AFF1: variants seen among roughly 807,000 people sequenced by gnomAD.
AFF1 encodes the protein ALF transcription elongation factor 1.
AFF1 carries 48 observed loss-of-function variants against 121.7 expected under a neutral mutation model. The observed-to-expected ratio is 0.39, with a 90% CI of 0.31 to 0.50. AFF1 has a LOEUF of 0.50. Ranked by LOEUF, AFF1 falls within the 20% of genes least tolerant of loss-of-function variation. The pLI, the probability that AFF1 is intolerant of heterozygous loss-of-function variation, is 0.76. For missense variants in AFF1, 1,523 were observed against 1,511.7 expected (o/e 1.01, Z -0.12); for synonymous variants, 613 against 563.0 (o/e 1.09, Z -1.26).
In AFF1 at chr4:87,139,170, A is replaced by G. The variant is rs1729528103; in HGVS notation, c.*3469A>G. The G allele has an allele frequency of 4.3e-6, 1 of 231,042 alleles. No individual in the cohort carries two copies. The highest frequency in any genetic ancestry group is 2.2e-5 in the African/African-American group (1 of 45,242). The allele number at this position is 231,042 out of a possible 1,614,324, so 14.3% of individuals were successfully genotyped here. On this transcript the variant is annotated 3_prime_UTR_variant, in exon 21 of 21. Transcript: ENST00000395146. The stretch of plus-strand genomic sequence containing the variant: ...AAATAGAGAAAAAGAGGTTGATTGA[A>G]TTGTGCCTTTGAGTGAACCCAGTTT...
chr4:87,097,166 C>T (rs766191630), intron 8 of AFF1, among the ~76,000 whole-genome samples: 148 of 152,312 alleles, frequency 9.7e-4, no homozygotes, highest in Non-Finnish European at 1.7e-3. Context: ...GTCTTTGGGG[C>T]AGCCAGGAAG....
At chr4:87,068,580 G>A (rs1721625780) in intron 4 of AFF1, among the ~76,000 whole-genome samples, 1 of 152,234 alleles carries the variant, frequency 6.6e-6, no homozygotes, top group African/African-American at 2.4e-5. Flanking sequence ...TCATAAAGCT[G>A]TATGTTTTTG....
At chr4:86,946,029 T>A (rs1720834652) in intron 1 of AFF1, among the ~76,000 whole-genome samples, 1 of 152,182 alleles carries the variant, frequency 6.6e-6, no homozygotes, top group African/African-American at 2.4e-5. Context: ...CCCATGTGGT[T>A]CTTTTTGATG....
At chr4:87,135,508 T>C in intron 20 of AFF1, 72 bp from the exon 21 acceptor site, 8 of 1,429,900 alleles carry the variant, frequency 5.6e-6, no homozygotes, top group Non-Finnish European at 7.4e-6. Context: ...ACCTTGAATT[T>C]TTGTTTCCAT....
At chr4:86,940,026 C>T (rs138005123) in intron 1 of AFF1, among the ~76,000 whole-genome samples, 59 of 152,286 alleles carry the variant, frequency 3.9e-4, no homozygotes, top group African/African-American at 1.3e-3. Flanking sequence ...TTTTCAAGAA[C>T]TATGAAGGCT....
chr4:87,001,207 C>CT (rs34072831), intron 2 of AFF1, among the ~76,000 whole-genome samples: 5,834 of 59,936 alleles, frequency 0.097, 1,965 homozygotes, highest in Non-Finnish European at 0.13. Context: ...CCTTTTTCTA[C>CT]TTTTTTTTTT....
intron 12 of AFF1, among the ~76,000 whole-genome samples, chr4:87,118,541 G>T (rs191753427): frequency 1.3e-5 from 2 of 152,282 alleles, no homozygotes; most frequent in Non-Finnish European, 2.9e-5. Context: ...TAGAGACAGG[G>T]TCTCGCTCTG....
Position 87,046,272 on chromosome 4 carries a change from G to A in AFF1, c.145G>A (p.Gly49Arg). ...EAFPEKIPLFGEPYKTAKGDE... is the reference protein window; with the variant it reads ...EAFPEKIPLFREPYKTAKGDE... ...ATTTCCTGAAAAGATTCCCCTTTTT[G>A]GAGAGCCCTACAAGGTATTTACTGA... The change falls in exon 3 of 21, where the codon GGA (glycine) becomes AGA (arginine). Residue 49 changes from glycine to arginine, a missense_variant. By Grantham distance (125) the Gly-to-Arg change is moderately radical. Coordinates refer to ENST00000395146, the MANE Select transcript of AFF1 (RefSeq NM_001166693.3). 1 of 1,613,398 alleles carries A rather than the reference G, an allele frequency of 6.2e-7. No homozygotes were observed. The highest frequency in any genetic ancestry group is 8.5e-7 in the Non-Finnish European group (1 of 1,179,840).
intron 4 of AFF1, among the ~76,000 whole-genome samples, chr4:87,051,691 A>G (rs536589454): frequency 3.3e-5 from 5 of 151,948 alleles, no homozygotes; most frequent in Non-Finnish European, 7.4e-5. Flanking sequence ...GATGGTCTCA[A>G]TCTCTTGACT....
chr4:86,983,622 T>C (rs1028207900), intron 2 of AFF1, among the ~76,000 whole-genome samples: 7 of 152,022 alleles, frequency 4.6e-5, no homozygotes, highest in Admixed American at 1.3e-4. Context: ...CTACTGAGAA[T>C]TGCATGAACC....
At chr4:86,959,574 G>C (rs1252956558) in intron 2 of AFF1, among the ~76,000 whole-genome samples, 1 of 151,648 alleles carries the variant, frequency 6.6e-6, no homozygotes, top group Non-Finnish European at 1.5e-5. Flanking sequence ...TGTTGGGATG[G>C]TTGAGTGTCT....
chr4:87,112,049 T>C (rs1018993997), intron 11 of AFF1, among the ~76,000 whole-genome samples: 3 of 152,196 alleles, frequency 2.0e-5, no homozygotes, highest in Admixed American at 6.5e-5. Flanking sequence ...GTTGTAGATA[T>C]AGCCAGTGGG....
At position 87,136,648 on chromosome 4, in the gene AFF1, G is replaced by A. The variant is rs894174847; in HGVS notation, c.*947G>A. ...ATGGCTAAAGTGCTTTTAAAGTTTT[G>A]TTTAAGTAGAGCTGGAATTTGAGGT... On this transcript the variant is annotated 3_prime_UTR_variant, in exon 21 of 21. Transcript: ENST00000395146. 1 of 230,574 alleles carries A rather than the reference G, an allele frequency of 4.3e-6. No homozygotes were observed. The highest frequency in any genetic ancestry group is 2.2e-5 in the African/African-American group (1 of 45,164). The allele number at this position is 230,574 out of a possible 1,614,324, so 14.3% of individuals were successfully genotyped here. A position where few individuals can be genotyped will look rare whatever the true frequency, so the allele number is the denominator to read the frequency against.
At chr4:87,074,060 C>G (rs1722410487) in intron 4 of AFF1, among the ~76,000 whole-genome samples, 1 of 151,856 alleles carries the variant, frequency 6.6e-6, no homozygotes. Context: ...CACCACGCTG[C>G]AGTTTCACAC....
At chr4:86,983,834 G>A (rs1163449033) in intron 2 of AFF1, among the ~76,000 whole-genome samples, 2 of 151,974 alleles carry the variant, frequency 1.3e-5, no homozygotes, top group Non-Finnish European at 2.9e-5. Context: ...TCAAGAGATC[G>A]AGACCATCCT....
In AFF1 at chr4:87,111,112, A is replaced by C. The variant is rs1726477584; in HGVS notation, c.1533+2797A>C. On this transcript the variant is annotated intron_variant, in intron 11 of 20. Transcript: ENST00000395146. Reference sequence around the variant, plus strand: ...AAGCTCCGCCTCCCGGGTTCACGCCATTCTCCTGCCTCAGCCTCCCGAGTA... The same window carrying C: ...AAGCTCCGCCTCCCGGGTTCACGCCCTTCTCCTGCCTCAGCCTCCCGAGTA... Among the ~76,000 whole-genome samples, 2 of 80,422 alleles carry C rather than the reference A, an allele frequency of 2.5e-5. 1 individual carries two copies. The highest frequency in any genetic ancestry group is 8.6e-5 in the African/African-American group (2 of 23,196). 52.8% of individuals were successfully genotyped at this position (80,422 alleles called of 152,430 possible). A position where few individuals can be genotyped will look rare whatever the true frequency, so the allele number is the denominator to read the frequency against.
chr4:86,995,141 G>T (rs1725017499), intron 2 of AFF1, among the ~76,000 whole-genome samples: 1 of 152,066 alleles, frequency 6.6e-6, no homozygotes, highest in African/African-American at 2.4e-5. Context: ...GCTGAGGTAG[G>T]AGGATTGCTT....
intron 8 of AFF1, among the ~76,000 whole-genome samples, chr4:87,097,480 T>C (rs1258652370): frequency 1.3e-5 from 2 of 152,334 alleles, no homozygotes; most frequent in Admixed American, 1.3e-4. Context: ...GTTAAACCAC[T>C]CAAATCAGAG....
rs115847926 is a variant in AFF1, at chr4:87,119,475, G to A, written c.2466+4176G>A. 5.8e-3 allele frequency among the ~76,000 whole-genome samples: 889 copies of A among 152,294 alleles called. 7 individuals carry two copies. Among genetic ancestry groups the A allele is most frequent in the African/African-American group, 0.02 (842 of 41,558 alleles). On this transcript the variant is annotated intron_variant, in intron 12 of 20. Coordinates refer to ENST00000395146, the MANE Select transcript of AFF1 (RefSeq NM_001166693.3). ...GGTCCCAGCTACTCGGGAAGCTGTGGTGGGAGGATCACTTGAGCCCAGGAG... is the reference window on the plus strand; with the variant it reads ...GGTCCCAGCTACTCGGGAAGCTGTGATGGGAGGATCACTTGAGCCCAGGAG...
Sources: gnomAD v4.1 joint callset for allele counts (sites outside exome capture counted in the v4.1 genomes callset) on GRCh38, gnomAD v4.1.1 for gene constraint, MANE v1.5 for transcripts, NCBI Gene and HGNC (gene_info 2026-07-23, HGNC 2026-07-21) for gene names.